SLC38A6: variants seen among roughly 807,000 people sequenced by gnomAD.
SLC38A6 encodes solute carrier family 38 member 6.
Under a neutral mutation model 65.0 loss-of-function variants are expected in SLC38A6, and 73 were observed. The observed-to-expected ratio is 1.12, with a 90% CI of 0.93 to 1.37. The LOEUF is 1.37. SLC38A6 is among the 40% of genes most tolerant of loss of function. SLC38A6 has a pLI of 0.00. For synonymous variants in SLC38A6, 183 were observed against 178.8 expected (o/e 1.02, Z -0.19); for missense variants, 561 against 531.1 (o/e 1.06, Z -0.55).
At chr14:60,984,597 A>G in intron 2 of SLC38A6, 133 bp from the exon 3 acceptor site, 1 of 588,584 alleles carries the variant, frequency 1.7e-6, no homozygotes, top group Non-Finnish European at 3.1e-6. Context: ...AATTTCCTTA[A>G]TGAACATAAT....
intron 3 of SLC38A6, among the ~76,000 whole-genome samples, chr14:61,007,352 A>G (rs939938565): frequency 4.6e-5 from 7 of 152,026 alleles, no homozygotes; most frequent in Non-Finnish European, 5.9e-5. Flanking sequence ...AGAACAGACC[A>G]GATGCAGTGG....
intron 4 of SLC38A6, 79 bp from the exon 5 acceptor site, chr14:61,019,462 G>A: frequency 6.9e-7 from 1 of 1,457,840 alleles, no homozygotes; most frequent in South Asian, 1.2e-5. Flanking sequence ...TTTAGTAATA[G>A]TTACTGGATT....
chr14:61,027,817 G>A (rs2040693585), intron 5 of SLC38A6, among the ~76,000 whole-genome samples: 1 of 151,862 alleles, frequency 6.6e-6, no homozygotes, highest in African/African-American at 2.4e-5. Flanking sequence ...GAATGGTGGT[G>A]GCCTTTGTTT....
At chr14:61,003,386 A>C (rs1436869234) in intron 3 of SLC38A6, among the ~76,000 whole-genome samples, 2 of 152,012 alleles carry the variant, frequency 1.3e-5, no homozygotes, top group African/African-American at 4.8e-5. Context: ...TTATGTAACC[A>C]CTTTCTCATT....
intron 16 of SLC38A6, among the ~76,000 whole-genome samples, chr14:61,082,399 G>A (rs956015384): frequency 4.6e-5 from 7 of 152,084 alleles, no homozygotes; most frequent in Admixed American, 2.6e-4. Flanking sequence ...CTGCAAATGG[G>A]CTTTCTTGTT....
chr14:60,997,373 A>G (rs1179482090), intron 3 of SLC38A6, among the ~76,000 whole-genome samples: 1 of 152,034 alleles, frequency 6.6e-6, no homozygotes, highest in East Asian at 1.9e-4. Context: ...GCTGATCTGA[A>G]ACTCCTAAGC....
intron 3 of SLC38A6, among the ~76,000 whole-genome samples, chr14:61,001,089 G>A (rs960683389): frequency 6.6e-6 from 1 of 152,134 alleles, no homozygotes; most frequent in Non-Finnish European, 1.5e-5. Context: ...ATTAATGAGT[G>A]GTTCTAAACT....
At chr14:61,036,116 C>T (rs1445541432) in intron 6 of SLC38A6, among the ~76,000 whole-genome samples, 1 of 151,916 alleles carries the variant, frequency 6.6e-6, no homozygotes, top group African/African-American at 2.4e-5. Flanking sequence ...TATTTTACCA[C>T]CCAGAGATAA....
intron 16 of SLC38A6, among the ~76,000 whole-genome samples, chr14:61,079,756 T>C (rs1012289208): frequency 2.0e-5 from 3 of 152,164 alleles, no homozygotes; most frequent in African/African-American, 7.2e-5. Flanking sequence ...CCATCCCTAC[T>C]TTACCCATCC....
Position 61,050,887 on chromosome 14 carries a change from A to G in SLC38A6, c.1050+251A>G, listed in dbSNP as rs546208458. Among the ~76,000 whole-genome samples, 44 of 152,244 alleles carry G rather than the reference A, an allele frequency of 2.9e-4. 2 individuals are homozygous for G. The highest frequency in any genetic ancestry group is 1.1e-3 in the African/African-American group (44 of 41,546). On this transcript the variant is annotated intron_variant, in intron 13 of 15. Transcript: ENST00000267488. ...TACGTTCTCCCACAGCATTGTTTCC[A>G]ATTTAGAAACTATAGTTCTTCTAAA...
At chr14:61,040,905 A>G (rs8003419) in intron 8 of SLC38A6, among the ~76,000 whole-genome samples, 103,631 of 152,106 alleles carry the variant, frequency 0.68, 35,480 homozygotes, top group African/African-American at 0.7. Context: ...TCAATCTAGT[A>G]GGGGAGATAA....
intron 2 of SLC38A6, 59 bp downstream of exon 2, chr14:60,982,697 G>T: frequency 1.3e-6 from 2 of 1,520,538 alleles, no homozygotes; most frequent in Non-Finnish European, 1.8e-6. Flanking sequence ...ATACGGAGAA[G>T]TAGAGAGATA....
At chr14:60,998,682 G>A (rs945071569) in intron 3 of SLC38A6, among the ~76,000 whole-genome samples, 1 of 152,234 alleles carries the variant, frequency 6.6e-6, no homozygotes, top group African/African-American at 2.4e-5. Flanking sequence ...GAGCACTGTA[G>A]CATGCCCACT....
At chr14:61,032,489 T>C (rs1201507044) in intron 6 of SLC38A6, among the ~76,000 whole-genome samples, 1 of 151,892 alleles carries the variant, frequency 6.6e-6, no homozygotes, top group Non-Finnish European at 1.5e-5. Context: ...TCCATCTCAT[T>C]CATATTAATA....
At chr14:61,008,601 C>T (rs1340636402) in intron 3 of SLC38A6, among the ~76,000 whole-genome samples, 7 of 152,062 alleles carry the variant, frequency 4.6e-5, no homozygotes, top group Non-Finnish European at 8.8e-5. Flanking sequence ...ATAGTAGCAT[C>T]ACTAGTTAAA....
At chr14:61,004,171 A>G (rs893229114) in intron 3 of SLC38A6, among the ~76,000 whole-genome samples, 2 of 152,166 alleles carry the variant, frequency 1.3e-5, no homozygotes, top group African/African-American at 2.4e-5. Flanking sequence ...TGAAAGACCA[A>G]TTCTTTTTGG....
intron 3 of SLC38A6, among the ~76,000 whole-genome samples, chr14:60,990,055 A>G (rs1422712631): frequency 6.6e-6 from 1 of 150,642 alleles, no homozygotes; most frequent in Non-Finnish European, 1.5e-5. Flanking sequence ...TTTGAGACAG[A>G]GTCTCACTCT....
chr14:61,061,272 A>G (rs957169434), intron 15 of SLC38A6, among the ~76,000 whole-genome samples: 13 of 152,242 alleles, frequency 8.5e-5, no homozygotes, highest in African/African-American at 3.1e-4. Flanking sequence ...CCAACCTTGC[A>G]TCCCGTATAA....
At chr14:60,991,249 T>G (rs1373851281) in intron 3 of SLC38A6, among the ~76,000 whole-genome samples, 1 of 152,224 alleles carries the variant, frequency 6.6e-6, no homozygotes, top group Non-Finnish European at 1.5e-5. Context: ...TCTTCTGCCC[T>G]TTTTATCTCC....
Sources: allele counts gnomAD v4.1 joint callset (sites outside exome capture counted in the v4.1 genomes callset), GRCh38; gene constraint gnomAD v4.1.1; transcripts MANE v1.5; gene names NCBI Gene and HGNC (gene_info 2026-07-23, HGNC 2026-07-21).